The following STEAP4 variants were observed in gnomAD, a reference collection of about 807,000 sequenced individuals.
STEAP4 encodes the protein metalloreductase STEAP4.
STEAP4 carries 36 observed loss-of-function variants against 43.6 expected under a neutral mutation model. The ratio of observed to expected loss-of-function variants is 0.83; its 90% CI spans 0.63 to 1.09. STEAP4 has a LOEUF of 1.09. STEAP4 is among the 50% of genes least tolerant of loss of function. The pLI is 0.00. For synonymous variants in STEAP4, 191 were observed against 196.7 expected (o/e 0.97, Z 0.24); for missense variants, 495 against 546.5 (o/e 0.91, Z 0.94).
chr7:88,283,942 T>C lies in STEAP4; in HGVS notation c.328A>G (p.Ile110Val). Reference sequence around the variant, plus strand: ...GCATTAGATTCTGGATATTGATTGATTTTGAGGTTGTTGCTGATGTCTACC... The same window carrying C: ...GCATTAGATTCTGGATATTGATTGACTTTGAGGTTGTTGCTGATGTCTACC... ...ILVDISNNLK[I>V]NQYPESNAEY... The change falls in exon 2 of 5, where the codon ATC becomes GTC. Residue 110 changes from isoleucine (I) to valine (V), a missense_variant. By Grantham distance (29) the Ile-to-Val change is conservative. Coordinates refer to ENST00000380079, the MANE Select transcript of STEAP4 (RefSeq NM_024636.4). The C allele has an allele frequency of 3.1e-6, 5 of 1,614,128 alleles. No individual in the cohort carries two copies. The highest frequency in any genetic ancestry group is 4.2e-6 in the Non-Finnish European group (5 of 1,180,004).
At chr7:88,296,904 TA>T (rs1002317430) in intron 1 of STEAP4, among the ~76,000 whole-genome samples, 18 of 151,964 alleles carry the variant, frequency 1.2e-4, no homozygotes, top group African/African-American at 3.6e-4. Flanking sequence ...TACAGTTTAT[TA>T]AAAAAAAGAA....
chr7:88,284,144 A>C lies in STEAP4; in HGVS notation c.126T>G (p.Gly42=), dbSNP rs781765148. Residue 42 remains glycine (G), a synonymous_variant, in exon 2 of 5, where the codon GGT becomes GGG. Transcript: ENST00000380079. ...RSLGLKMLQC[G]YSVVFGSRNP... ...TTCGACTTCCAAAAACAACAGAATA[A>C]CCACACTGGAGCATTTTCAATCCCA... 1 of 1,614,174 alleles carries C rather than the reference A, an allele frequency of 6.2e-7. No homozygotes were observed. The highest frequency in any genetic ancestry group is 1.1e-5 in the South Asian group (1 of 91,080).
intron 1 of STEAP4, among the ~76,000 whole-genome samples, chr7:88,289,246 C>G (rs922178940): frequency 2.0e-5 from 3 of 151,598 alleles, no homozygotes; most frequent in African/African-American, 7.3e-5. Context: ...GTCCCAGGCA[C>G]AGTGTGAGAT....
intron 1 of STEAP4, among the ~76,000 whole-genome samples, chr7:88,295,520 G>A (rs940358486): frequency 6.6e-6 from 1 of 152,122 alleles, no homozygotes; most frequent in Non-Finnish European, 1.5e-5. Context: ...TGATTCAAAT[G>A]TACAGCCAAG....
intron 1 of STEAP4, among the ~76,000 whole-genome samples, chr7:88,288,317 T>C (rs1406597488): frequency 6.6e-6 from 1 of 152,108 alleles, no homozygotes; most frequent in African/African-American, 2.4e-5. Context: ...ATTATAGGCA[T>C]GTGCCACCAT....
chr7:88,291,018 G>C (rs1219939924), intron 1 of STEAP4: 1 of 152,092 alleles, frequency 6.6e-6, no homozygotes, highest in Non-Finnish European at 1.5e-5. Flanking sequence ...TTGAGACCTA[G>C]TAAGTGTTTA....
At position 88,284,027 on chromosome 7, in the gene STEAP4, G is replaced by T; in HGVS notation, c.243C>A (p.Ile81=). The T allele has an allele frequency of 6.2e-7, 1 of 1,614,084 alleles. No individual in the cohort carries two copies. The highest frequency in any genetic ancestry group is 8.5e-7 in the Non-Finnish European group (1 of 1,180,018). The change falls in exon 2 of 5, where the codon ATC becomes ATA. Residue 81 remains isoleucine, a synonymous_variant. Transcript: ENST00000380079. ...AKKSGIIIIA[I]HREHYDFLTE... is the part of the protein sequence containing the mutation. ...TGAGAAAATCATAATGCTCTCTGTG[G>T]ATTGCTATGATTATGATGCCAGACT...
chr7:88,302,951 CAAAAA>C (rs35493493), intron 1 of STEAP4, among the ~76,000 whole-genome samples: 1 of 51,486 alleles, frequency 1.9e-5, no homozygotes, highest in Non-Finnish European at 3.7e-5. Flanking sequence ...GAGACTGTCT[CAAAAA>C]AAAAAAAAAA....
intron 1 of STEAP4, chr7:88,292,949 T>C (rs1421403888): frequency 1.3e-5 from 2 of 152,214 alleles, no homozygotes; most frequent in African/African-American, 4.8e-5. Context: ...TTTCCAGTTT[T>C]GGCTATTACA....
intron 1 of STEAP4, among the ~76,000 whole-genome samples, chr7:88,299,249 G>A (rs1224931903): frequency 6.6e-6 from 1 of 152,186 alleles, no homozygotes; most frequent in Admixed American, 6.5e-5. Flanking sequence ...GATCTCAGCA[G>A]TATCTGTCAA....
At position 88,282,677 on chromosome 7, in the gene STEAP4, A is replaced by G. The variant is rs1396565448; in HGVS notation, c.948T>C (p.Tyr316=). 4 of 1,614,008 alleles carry G rather than the reference A, an allele frequency of 2.5e-6. No homozygotes were observed. The highest frequency in any genetic ancestry group is 1.3e-5 in the African/African-American group (1 of 74,932). Residue 316 remains tyrosine (Y), a synonymous_variant, in exon 3 of 5, where the codon TAT becomes TAC. Coordinates refer to ENST00000380079, the MANE Select transcript of STEAP4 (RefSeq NM_024636.4). ...TTAAGTTTCCCAATCTCCATCGTAC[A>G]TAATATCGAATAGGAATCACAAGTG... is the stretch of plus-strand genomic sequence containing the variant. ...LYTLVIPIRY[Y]VRWRLGNLTV...
intron 1 of STEAP4, among the ~76,000 whole-genome samples, chr7:88,294,406 A>T (rs1440841074): frequency 6.6e-6 from 1 of 152,178 alleles, no homozygotes; most frequent in African/African-American, 2.4e-5. Flanking sequence ...ATGAAAAAAA[A>T]AAATCTGAAA....
At position 88,275,649 on chromosome 7, in the gene STEAP4, AGTG is replaced by A. The variant is rs1216997588; in HGVS notation, c.*3746_*3748del. ...TGTGTGTGTGTGTTGGAGAAGTGGT[AGTG>A]AAGATGATGGTTGTGATGATGGAGA... On this transcript the variant is annotated 3_prime_UTR_variant, in exon 5 of 5. Coordinates refer to ENST00000380079, the MANE Select transcript of STEAP4 (RefSeq NM_024636.4). The A allele has an allele frequency of 2.7e-5, 4 of 149,820 alleles. No homozygotes were observed. Among genetic ancestry groups the A allele is most frequent in the African/African-American group, 5.0e-5 (2 of 39,846 alleles). 9.3% of individuals were successfully genotyped at this position (149,820 alleles called of 1,614,324 possible).
intron 1 of STEAP4, among the ~76,000 whole-genome samples, chr7:88,306,454 A>C (rs1301216244): frequency 6.6e-6 from 1 of 152,242 alleles, no homozygotes; most frequent in Admixed American, 6.5e-5. Context: ...TGACTGCTAA[A>C]GCCACATTCT....
Position 88,284,275 on chromosome 7 carries a change from A to C in STEAP4, c.-2-4T>G. On this transcript the variant is annotated splice_polypyrimidine_tract_variant and splice_region_variant and intron_variant, in intron 1 of 4. Transcript: ENST00000380079. ...TCTATACAAGTTTTCTCCATAACTG[A>C]AAAATAATAACACAAATGCCCAACA... The C allele has an allele frequency of 6.5e-7, 1 of 1,548,760 alleles. No individual in the cohort carries two copies. Among genetic ancestry groups the C allele is most frequent in the Non-Finnish European group, 8.7e-7 (1 of 1,148,260 alleles).
At chr7:88,283,628 A>T in intron 2 of STEAP4, 186 bp downstream of exon 2, 1 of 664,230 alleles carries the variant, frequency 1.5e-6, no homozygotes, top group East Asian at 2.8e-5. Context: ...GGGTGCAGAC[A>T]GTGGGAGATA....
rs759939650 is a variant in STEAP4, at chr7:88,283,048, G to C, written c.577C>G (p.Pro193Ala). 6.2e-7 allele frequency: 1 copy of C among 1,613,606 alleles called. No homozygotes were observed. Among genetic ancestry groups the C allele is most frequent in the Non-Finnish European group, 8.5e-7 (1 of 1,179,776 alleles). ...CTCCACATTGGAAATAGCTGCAGGG[G>C]GTACTTTTCAATTTCTTTGGCTGCC... ...LMAAKEIEKY[P>A]LQLFPMWRFP... Residue 193 changes from proline to alanine, a missense_variant, in exon 3 of 5, where the codon CCC (proline) becomes GCC (alanine). By Grantham distance (27) the Pro-to-Ala change is conservative. Transcript: ENST00000380079.
At chr7:88,294,839 G>A (rs1852899353) in intron 1 of STEAP4, among the ~76,000 whole-genome samples, 1 of 152,034 alleles carries the variant, frequency 6.6e-6, no homozygotes, top group Non-Finnish European at 1.5e-5. Flanking sequence ...GTACAGATAG[G>A]CCTGGAAGGG....
In STEAP4 at chr7:88,278,956, C is replaced by T. The variant is rs1484714566; in HGVS notation, c.*442G>A. 1.2e-5 allele frequency: 2 copies of T among 160,498 alleles called. No homozygotes were observed. The highest frequency in any genetic ancestry group is 2.8e-5 in the Non-Finnish European group (2 of 72,026). The allele number at this position is 160,498 out of a possible 1,614,324, so 9.9% of individuals were successfully genotyped here. ...TTACATTTCATGTGACCCACTTCCT[C>T]AGATATACCTAATAAAGCCTTTATC... On this transcript the variant is annotated 3_prime_UTR_variant, in exon 5 of 5. Transcript: ENST00000380079.
Sources: allele counts gnomAD v4.1 joint callset (sites outside exome capture counted in the v4.1 genomes callset), GRCh38; gene constraint gnomAD v4.1.1; transcripts MANE v1.5; gene names NCBI Gene and HGNC (gene_info 2026-07-23, HGNC 2026-07-21).